The following HOMER1 variants were observed in gnomAD, a reference collection of about 807,000 sequenced individuals.
HOMER1 encodes homer protein homolog 1.
HOMER1 carries 3 observed loss-of-function variants against 48.9 expected under a neutral mutation model. The observed-to-expected ratio is 0.06, with a 90% CI of 0.03 to 0.16. The LOEUF (loss-of-function observed/expected upper bound fraction) is 0.16, where lower values mean the gene tolerates loss of function less well. Among genes scored for constraint, HOMER1 ranks in the 10% least tolerant of loss-of-function variants. HOMER1 has a pLI of 1.00. For synonymous variants in HOMER1, 134 were observed against 146.4 expected, an observed-to-expected ratio of 0.92 and a Z score of 0.61; for missense variants, 247 against 411.4, an observed-to-expected ratio of 0.60 and a Z score of 3.46.
chr5:79,430,145 T>C (rs954549423), intron 5 of HOMER1, among the ~76,000 whole-genome samples: 1 of 151,586 alleles, frequency 6.6e-6, no homozygotes, highest in African/African-American at 2.4e-5. Flanking sequence ...GGTTAATAAC[T>C]AGAAATTATA....
chr5:79,417,286 G>A (rs1385122212), intron 5 of HOMER1, among the ~76,000 whole-genome samples: 2 of 152,090 alleles, frequency 1.3e-5, no homozygotes, highest in African/African-American at 4.8e-5. Context: ...GGGACTACAG[G>A]GGCCTGCCAC....
At chr5:79,415,943 G>T (rs1391876676) in intron 5 of HOMER1, among the ~76,000 whole-genome samples, 1 of 152,064 alleles carries the variant, frequency 6.6e-6, no homozygotes, top group Non-Finnish European at 1.5e-5. Flanking sequence ...TATAAAATTA[G>T]GGTTATTAAC....
At chr5:79,415,228 A>AT (rs1002499757) in intron 5 of HOMER1, among the ~76,000 whole-genome samples, 1,910 of 142,826 alleles carry the variant, frequency 0.013, 40 homozygotes, top group African/African-American at 0.041. Context: ...TATTTTTTGT[A>AT]TTTTTTTTTT....
chr5:79,502,792 A>G (rs1367081622), intron 1 of HOMER1, among the ~76,000 whole-genome samples: 2 of 152,294 alleles, frequency 1.3e-5, no homozygotes, highest in East Asian at 3.9e-4. Flanking sequence ...ATCTGCATGT[A>G]ACTTTTTTGT....
At chr5:79,389,358 C>T (rs1244254064) in intron 8 of HOMER1, among the ~76,000 whole-genome samples, 1 of 152,118 alleles carries the variant, frequency 6.6e-6, no homozygotes, top group Non-Finnish European at 1.5e-5. Flanking sequence ...AAGCTTTATC[C>T]AACCAAGAGA....
intron 4 of HOMER1, among the ~76,000 whole-genome samples, chr5:79,445,080 G>A (rs1196094782): frequency 6.6e-6 from 1 of 152,134 alleles, no homozygotes; most frequent in South Asian, 2.1e-4. Context: ...TTTCCAAATA[G>A]AGCTGGGTGA....
At chr5:79,483,362 C>T (rs531951534) in intron 1 of HOMER1, among the ~76,000 whole-genome samples, 9 of 152,036 alleles carry the variant, frequency 5.9e-5, no homozygotes, top group Admixed American at 4.6e-4. Flanking sequence ...TCAGAATTTA[C>T]CCAAGTGAAT....
chr5:79,418,575 C>CT (rs1196821820), intron 5 of HOMER1, among the ~76,000 whole-genome samples: 1 of 152,210 alleles, frequency 6.6e-6, no homozygotes, highest in South Asian at 2.1e-4. Context: ...CTAACACCCT[C>CT]TTTTGTAATC....
At chr5:79,447,964 A>G (rs1271547709) in intron 3 of HOMER1, among the ~76,000 whole-genome samples, 2 of 152,212 alleles carry the variant, frequency 1.3e-5, no homozygotes, top group African/African-American at 4.8e-5. Flanking sequence ...TAATTAAAAC[A>G]TGAAATTATA....
intron 8 of HOMER1, among the ~76,000 whole-genome samples, chr5:79,384,043 G>A (rs535108110): frequency 2.7e-5 from 4 of 148,824 alleles, no homozygotes; most frequent in East Asian, 2.0e-4. Context: ...AATAAATGCC[G>A]ACATCAAAAA....
chr5:79,498,654 T>C (rs139379060), intron 1 of HOMER1, among the ~76,000 whole-genome samples: 1 of 152,166 alleles, frequency 6.6e-6, no homozygotes, highest in African/African-American at 2.4e-5. Context: ...GCTCAGCCAA[T>C]GGCAGCATAA....
intron 1 of HOMER1, among the ~76,000 whole-genome samples, chr5:79,503,745 G>GAAGA (rs1752672829): frequency 6.7e-6 from 1 of 150,104 alleles, no homozygotes; most frequent in Non-Finnish European, 1.5e-5. Context: ...AAAAAAGAAA[G>GAAGA]AAGAAAATCA....
chr5:79,415,400 A>T (rs1316085688), intron 5 of HOMER1, among the ~76,000 whole-genome samples: 2 of 152,234 alleles, frequency 1.3e-5, no homozygotes, highest in African/African-American at 4.8e-5. Context: ...TAGCACAAAA[A>T]AATGATATCG....
At chr5:79,440,570 T>G (rs2112277965) in intron 4 of HOMER1, among the ~76,000 whole-genome samples, 1 of 152,288 alleles carries the variant, frequency 6.6e-6, no homozygotes, top group Middle Eastern at 3.4e-3. Flanking sequence ...ACGAATAAAA[T>G]CTACAGTATA....
At chr5:79,499,540 C>A (rs1417398842) in intron 1 of HOMER1, among the ~76,000 whole-genome samples, 2 of 151,616 alleles carry the variant, frequency 1.3e-5, no homozygotes, top group East Asian at 3.9e-4. Context: ...TAACTGCATA[C>A]CTTAGAAGTA....
intron 8 of HOMER1, among the ~76,000 whole-genome samples, chr5:79,396,080 G>A (rs929085910): frequency 6.6e-6 from 1 of 152,066 alleles, no homozygotes; most frequent in African/African-American, 2.4e-5. Flanking sequence ...GCCTGAGCTG[G>A]CAAGAGAAGA....
At chr5:79,454,970 C>T (rs554734873) in intron 2 of HOMER1, among the ~76,000 whole-genome samples, 21 of 152,178 alleles carry the variant, frequency 1.4e-4, no homozygotes, top group Admixed American at 9.8e-4. Flanking sequence ...CTGAGGCATA[C>T]AGTTTTTTTT....
intron 5 of HOMER1, among the ~76,000 whole-genome samples, chr5:79,421,435 A>G (rs1580439133): frequency 6.6e-6 from 1 of 152,356 alleles, no homozygotes; most frequent in African/African-American, 2.4e-5. Flanking sequence ...AAATCAATAG[A>G]CAAAAGAGCA....
At chr5:79,479,998 CA>C in intron 1 of HOMER1, among the ~76,000 whole-genome samples, 1 of 152,132 alleles carries the variant, frequency 6.6e-6, no homozygotes, top group Non-Finnish European at 1.5e-5. Flanking sequence ...AAATTACTGT[CA>C]TGGGACAAGT....
Sources: gnomAD v4.1 joint callset for allele counts (sites outside exome capture counted in the v4.1 genomes callset) on GRCh38, gnomAD v4.1.1 for gene constraint, MANE v1.5 for transcripts, NCBI Gene and HGNC (gene_info 2026-07-23, HGNC 2026-07-21) for gene names.